PTPN18: variants seen among roughly 807,000 people sequenced by gnomAD.
PTPN18 encodes the protein tyrosine-protein phosphatase non-receptor type 18.
A neutral mutation model predicts 65.4 loss-of-function variants in PTPN18; 65 were observed. The observed-to-expected ratio is 0.99, with a 90% confidence interval of 0.81 to 1.22. The LOEUF (loss-of-function observed/expected upper bound fraction) is 1.22, where lower values mean the gene tolerates loss of function less well. Among genes scored for constraint, PTPN18 ranks in the 50% most tolerant of loss-of-function variants. The pLI, the probability that PTPN18 is intolerant of heterozygous loss-of-function variation, is 0.00. For synonymous variants in PTPN18, 255 were observed against 267.8 expected (o/e 0.95, Z 0.47); for missense variants, 616 against 646.5 (o/e 0.95, Z 0.51).
At chr2:130,362,977 G>A (rs183415702) in intron 5 of PTPN18, among the ~76,000 whole-genome samples, 14 of 151,706 alleles carry the variant, frequency 9.2e-5, no homozygotes, top group Admixed American at 5.9e-4. Context: ...CTGCCACCAC[G>A]CCCGGCTAAT....
chr2:130,362,093 T>G (rs1680234679), intron 5 of PTPN18: 1 of 469,132 alleles, frequency 2.1e-6, no homozygotes, highest in Non-Finnish European at 4.4e-6. Flanking sequence ...GCAGCCTCCC[T>G]GAGGAGTTGG....
chr2:130,374,984 T>G lies in PTPN18; in HGVS notation c.*1760T>G. 4.0e-6 allele frequency: 1 copy of G among 248,058 alleles called. No homozygotes were observed. The highest frequency in any genetic ancestry group is 8.2e-6 in the Non-Finnish European group (1 of 121,334). The allele number at this position is 248,058 out of a possible 1,614,324, so 15.4% of individuals were successfully genotyped here. A position where few individuals can be genotyped will look rare whatever the true frequency, so the allele number is the denominator to read the frequency against. On this transcript the variant is annotated 3_prime_UTR_variant, in exon 15 of 15. Coordinates refer to ENST00000175756, the MANE Select transcript of PTPN18 (RefSeq NM_014369.4). ...GGGTTTGGGTGCCCACAGTGGGAGC[T>G]GGTGTGATATCATACCTTCGCCGGC...
At position 130,356,095 on chromosome 2, in the gene PTPN18, G is replaced by T; in HGVS notation, c.-13G>T. The T allele has an allele frequency of 1.6e-6, 2 of 1,290,262 alleles. No individual in the cohort carries two copies. The highest frequency in any genetic ancestry group is 2.0e-6 in the Non-Finnish European group (2 of 1,021,640). The allele number at this position is 1,290,262 out of a possible 1,614,324, so 79.9% of individuals were successfully genotyped here. ...CGCGGCGGCCGGGCTGGACCTTGCT[G>T]GCCCGCGGCGCCATGAGCCGCAGCC... is the stretch of plus-strand genomic sequence containing the variant. On this transcript the variant is annotated 5_prime_UTR_variant, in exon 1 of 15. Transcript: ENST00000175756.
rs765458959 is a variant in PTPN18, at chr2:130,359,243, G to T, written c.213G>T (p.Thr71=). 6.2e-7 allele frequency: 1 copy of T among 1,613,908 alleles called. No homozygotes were observed. Among genetic ancestry groups the T allele is most frequent in the Non-Finnish European group, 8.5e-7 (1 of 1,180,046 alleles). The change falls in exon 3 of 15, where the codon ACG becomes ACT. Residue 71 remains threonine (T), a synonymous_variant. Transcript: ENST00000175756. ...CTTATCTGCTGACAGATGATCAGAC[G>T]CGAGTAATCCTCTCCCTGCTCCAGG... The part of the protein sequence containing the change: ...RYKDVLPYDQ[T]RVILSLLQEE...
At chr2:130,370,821 C>T (rs1573866340) in intron 10 of PTPN18, 39 bp downstream of exon 10, 19 of 1,611,786 alleles carry the variant, frequency 1.2e-5, no homozygotes, top group Non-Finnish European at 1.4e-5. Context: ...GACAGTGGCC[C>T]ACTGCTGTCA....
At chr2:130,363,803 G>A (rs1359631737) in intron 5 of PTPN18, among the ~76,000 whole-genome samples, 2 of 152,058 alleles carry the variant, frequency 1.3e-5, no homozygotes, top group Non-Finnish European at 2.9e-5. Context: ...GGGTATTGCT[G>A]GGAATTGCTG....
chr2:130,374,479 G>A lies in PTPN18; in HGVS notation c.*1255G>A. The stretch of plus-strand genomic sequence containing the variant: ...CACCAGGCTCAGCCCCCTAAGATTT[G>A]AAACACTTTAAATGGCCCATGGTAG... On this transcript the variant is annotated 3_prime_UTR_variant, in exon 15 of 15. Coordinates refer to ENST00000175756, the MANE Select transcript of PTPN18 (RefSeq NM_014369.4). 5.5e-6 allele frequency: 2 copies of A among 366,184 alleles called. No individual in the cohort carries two copies. The highest frequency in any genetic ancestry group is 1.1e-5 in the Non-Finnish European group (2 of 180,254). 22.7% of individuals were successfully genotyped at this position (366,184 alleles called of 1,614,324 possible). A position where few individuals can be genotyped will look rare whatever the true frequency, so the allele number is the denominator to read the frequency against.
At chr2:130,357,851 A>G (rs7562374) in intron 1 of PTPN18, among the ~76,000 whole-genome samples, 43,975 of 143,936 alleles carry the variant, frequency 0.31, 8,951 homozygotes, top group African/African-American at 0.59. Flanking sequence ...GCGAGACTCC[A>G]TCTCAAAAAA....
intron 14 of PTPN18, 31 bp downstream of exon 14, chr2:130,372,978 C>T (rs1460763802): frequency 6.2e-7 from 1 of 1,612,556 alleles, no homozygotes; most frequent in Non-Finnish European, 8.5e-7. Flanking sequence ...GTTGCTGGGA[C>T]TTTGCTGCTT....
intron 8 of PTPN18, 163 bp downstream of exon 8, chr2:130,370,353 A>C: frequency 8.4e-7 from 1 of 1,190,734 alleles, no homozygotes. Flanking sequence ...GCACAGACTC[A>C]GCTGGGGAAT....
intron 5 of PTPN18, 66 bp from the exon 6 acceptor site, chr2:130,369,067 A>C: frequency 7.0e-7 from 1 of 1,418,828 alleles, no homozygotes; most frequent in Non-Finnish European, 9.8e-7. Flanking sequence ...TTGTGGCATG[A>C]TTGAGCTAGC....
intron 1 of PTPN18, among the ~76,000 whole-genome samples, chr2:130,357,937 T>A (rs1680046026): frequency 6.6e-6 from 1 of 151,260 alleles, no homozygotes; most frequent in Non-Finnish European, 1.5e-5. Context: ...TATAAGAAAC[T>A]AAGAAATGCA....
Position 130,373,019 on chromosome 2 carries a change from G to C in PTPN18, c.1315+72G>C, listed in dbSNP as rs182845465. On this transcript the variant is annotated intron_variant, in intron 14 of 14. Transcript: ENST00000175756. This position sits in a 1 kb window ranked among gnomAD's most constrained non-coding sequence, Gnocchi z 4.1. ...GAACCCAGGAGTCTGGGGTTGATGG[G>C]GCATGGAGCTTAGTCCTGTGGATGT... The C allele has an allele frequency of 1.9e-6, 3 of 1,590,698 alleles. No homozygotes were observed. Among genetic ancestry groups the C allele is most frequent in the East Asian group, 4.5e-5 (2 of 44,628 alleles).
intron 5 of PTPN18, among the ~76,000 whole-genome samples, chr2:130,361,541 TCTTTCTTTCTTTCTTTCTTTCTTTC>T (rs1330545574): frequency 2.1e-5 from 3 of 139,958 alleles, no homozygotes; most frequent in African/African-American, 3.1e-5. Context: ...TTTCTTTCTT[TCTTTCTTTCTTTCTTTCTTTCTTTC>T]CTTTCTTTCC....
At chr2:130,359,673 A>T (rs201768784) in intron 5 of PTPN18, 27 bp downstream of exon 5, 9 of 1,610,684 alleles carry the variant, frequency 5.6e-6, no homozygotes, top group African/African-American at 2.7e-5. Flanking sequence ...CCCAGGTTTC[A>T]TGTCCTTGTG....
rs1680671330 is a variant in PTPN18, at chr2:130,374,330, G to T, written c.*1106G>T. 3.9e-6 allele frequency: 1 copy of T among 256,754 alleles called. No individual in the cohort carries two copies. Among genetic ancestry groups the T allele is most frequent in the Non-Finnish European group, 7.9e-6 (1 of 127,306 alleles). 15.9% of individuals were successfully genotyped at this position (256,754 alleles called of 1,614,324 possible). ...GCCTGCCGAGTAGCTGGGACTACAG[G>T]TCTAATTTTTTTTTTTTTTAAGAAA... On this transcript the variant is annotated 3_prime_UTR_variant, in exon 15 of 15. Coordinates refer to ENST00000175756, the MANE Select transcript of PTPN18 (RefSeq NM_014369.4).
At chr2:130,359,056 C>A in intron 2 of PTPN18, 81 bp downstream of exon 2, 1 of 1,495,998 alleles carries the variant, frequency 6.7e-7, no homozygotes, top group East Asian at 2.3e-5. Context: ...CTGGAGTCAC[C>A]CACTGTGCTC....
Position 130,372,913 on chromosome 2 carries a change from G to C in PTPN18, c.1281G>C (p.Glu427Asp), listed in dbSNP as rs771535979. 1.2e-6 allele frequency: 2 copies of C among 1,614,178 alleles called. No individual in the cohort carries two copies. Among genetic ancestry groups the C allele is most frequent in the Non-Finnish European group, 1.7e-6 (2 of 1,180,038 alleles). The change falls in exon 14 of 15, where the codon GAG (glutamate) becomes GAC (aspartate). Residue 427 changes from glutamate to aspartate, a missense_variant. Glu to Asp is a conservative substitution (Grantham distance 45). This residue lies in a region of PTPN18 where 368 missense variants were observed against 386.7 expected (regional missense o/e 0.95). Transcript: ENST00000175756. The stretch of plus-strand genomic sequence containing the variant: ...GTCCTGCCGGATCTGGCGCCTACGA[G>C]GACGTGGCGGGTGGAGCTCAGACCG... ...DQSPAGSGAY[E>D]DVAGGAQTGG...
In PTPN18 at chr2:130,369,243, A is replaced by G; in HGVS notation, c.483+42A>G. The G allele has an allele frequency of 1.9e-6, 3 of 1,569,696 alleles. 1 individual carries two copies. Among genetic ancestry groups the G allele is most frequent in the Non-Finnish European group, 2.6e-6 (3 of 1,140,916 alleles). On this transcript the variant is annotated intron_variant, in intron 6 of 14. Coordinates refer to ENST00000175756, the MANE Select transcript of PTPN18 (RefSeq NM_014369.4). ...TTCAAGGAAGATTCCCAGGGTGGAA[A>G]GGCTTTGGGTTGGGCCTAAAAGGTT...
Sources: allele counts gnomAD v4.1 joint callset (sites outside exome capture counted in the v4.1 genomes callset), GRCh38; gene constraint gnomAD v4.1.1; regional missense constraint gnomAD v4.1.1; non-coding constraint Gnocchi (gnomAD v3.1); transcripts MANE v1.5; gene names NCBI Gene and HGNC (gene_info 2026-07-23, HGNC 2026-07-21).